ZBTB20: variants seen among roughly 807,000 people sequenced by gnomAD.
ZBTB20 encodes the protein zinc finger and BTB domain containing 20.
Under a neutral mutation model 56.9 loss-of-function variants are expected in ZBTB20, and 9 were observed. That is an observed-to-expected ratio of 0.16 (90% confidence interval 0.10 to 0.28). The LOEUF is 0.28. Among genes scored for constraint, ZBTB20 ranks in the 10% least tolerant of loss-of-function variants. The probability of loss-of-function intolerance (pLI) is 1.00; values close to 1 mark genes in which losing one functional copy is unlikely to be tolerated. For missense variants in ZBTB20, 655 were observed against 1,003.0 expected, an observed-to-expected ratio of 0.65 and a Z score of 4.69; for synonymous variants, 417 against 420.7, an observed-to-expected ratio of 0.99 and a Z score of 0.11.
Position 114,542,302 on chromosome 3 carries a change from T to C in ZBTB20, c.-294-41911A>G, listed in dbSNP as rs552955053. ...TAAATAGAAAATGTGCTTGAGAAAT[T>C]CTAGCCCAACATGCAATTTAGAGAG... is the stretch of plus-strand genomic sequence containing the variant. On this transcript the variant is annotated intron_variant, in intron 6 of 11. Coordinates refer to ENST00000675478, the MANE Select transcript of ZBTB20 (RefSeq NM_001348800.3). Among the ~76,000 whole-genome samples, 77 of 152,280 alleles carry C rather than the reference T, an allele frequency of 5.1e-4. 1 individual carries two copies. Among genetic ancestry groups the C allele is most frequent in the Non-Finnish European group, 7.2e-4 (49 of 68,014 alleles).
chr3:114,528,811 C>T (rs145889772), intron 6 of ZBTB20: 5 of 152,198 alleles, frequency 3.3e-5, no homozygotes, highest in South Asian at 2.1e-4. Context: ...TAAATTGCTA[C>T]GTATTGCAGA....
intron 1 of ZBTB20, among the ~76,000 whole-genome samples, chr3:115,132,383 A>G (rs2084532094): frequency 6.6e-6 from 1 of 152,014 alleles, no homozygotes; most frequent in African/African-American, 2.4e-5. Flanking sequence ...TTATCCAACT[A>G]CCTTATCAAT....
intron 5 of ZBTB20, among the ~76,000 whole-genome samples, chr3:114,753,753 A>C (rs1401342416): frequency 6.6e-6 from 1 of 152,000 alleles, no homozygotes; most frequent in Non-Finnish European, 1.5e-5. Context: ...TTTTATATTA[A>C]GTAATTTTGT....
chr3:114,578,386 T>C (rs1474093985), intron 6 of ZBTB20, among the ~76,000 whole-genome samples: 1 of 151,914 alleles, frequency 6.6e-6, no homozygotes, highest in East Asian at 1.9e-4. Flanking sequence ...AAAATGGAAG[T>C]AATGACAAAG....
At chr3:114,685,809 A>G (rs1420290435) in intron 6 of ZBTB20, among the ~76,000 whole-genome samples, 2 of 152,210 alleles carry the variant, frequency 1.3e-5, no homozygotes, top group African/African-American at 2.4e-5. Flanking sequence ...TTGACAAAAG[A>G]GAATAGTAAT....
chr3:114,395,287 A>C (rs1296239635), intron 7 of ZBTB20, among the ~76,000 whole-genome samples: 4 of 152,164 alleles, frequency 2.6e-5, no homozygotes, highest in Non-Finnish European at 5.9e-5. Flanking sequence ...AATGTTAGAA[A>C]AAAAAGAGTT....
intron 2 of ZBTB20, among the ~76,000 whole-genome samples, chr3:114,988,091 CTTT>C (rs543706041): frequency 5.9e-5 from 7 of 118,826 alleles, no homozygotes; most frequent in African/African-American, 1.2e-4. Context: ...TATCCAGTTT[CTTT>C]TTTTTTTTTT....
At chr3:114,899,973 CA>C (rs2075041982) in intron 4 of ZBTB20, among the ~76,000 whole-genome samples, 1 of 152,024 alleles carries the variant, frequency 6.6e-6, no homozygotes, top group Non-Finnish European at 1.5e-5. Context: ...ACAATAATGG[CA>C]AAACTGTGGT....
At chr3:114,533,638 C>A (rs1050924200) in intron 6 of ZBTB20, among the ~76,000 whole-genome samples, 1 of 152,084 alleles carries the variant, frequency 6.6e-6, no homozygotes, top group Non-Finnish European at 1.5e-5. Context: ...ATACAGAGAA[C>A]ACCACAAAGA....
intron 5 of ZBTB20, among the ~76,000 whole-genome samples, chr3:114,724,638 G>T (rs1232025829): frequency 6.6e-6 from 1 of 152,030 alleles, no homozygotes. Context: ...GAGCTATTTA[G>T]GTTTTATATT....
chr3:114,714,092 C>A (rs559420992), intron 5 of ZBTB20: 1 of 152,634 alleles, frequency 6.6e-6, no homozygotes, highest in Non-Finnish European at 1.5e-5. Flanking sequence ...TATACTACTA[C>A]TATATCCGTC....
At chr3:114,778,792 T>A (rs2069835013) in intron 5 of ZBTB20, among the ~76,000 whole-genome samples, 1 of 151,988 alleles carries the variant, frequency 6.6e-6, no homozygotes, top group Admixed American at 6.6e-5. Context: ...ATGGACAGAG[T>A]CATTTATTTT....
chr3:114,554,582 C>T (rs984224561), intron 6 of ZBTB20, among the ~76,000 whole-genome samples: 1 of 152,130 alleles, frequency 6.6e-6, no homozygotes, highest in African/African-American at 2.4e-5. Flanking sequence ...ATAAATTATT[C>T]TCATAAAAGG....
At chr3:114,978,250 CAT>C (rs951754225) in intron 2 of ZBTB20, among the ~76,000 whole-genome samples, 54 of 148,286 alleles carry the variant, frequency 3.6e-4, no homozygotes, top group African/African-American at 1.2e-3. Context: ...TATATTTAAA[CAT>C]ATATAAAATA....
At chr3:114,728,927 G>C (rs998970470) in intron 5 of ZBTB20, among the ~76,000 whole-genome samples, 1 of 152,074 alleles carries the variant, frequency 6.6e-6, no homozygotes, top group African/African-American at 2.4e-5. Context: ...AGGGCAGTGT[G>C]GGGGCAGAGA....
intron 6 of ZBTB20, among the ~76,000 whole-genome samples, chr3:114,607,097 CAAAT>C (rs1189196980): frequency 1.4e-5 from 2 of 145,866 alleles, no homozygotes; most frequent in Non-Finnish European, 3.0e-5. Context: ...GACTCAATCT[CAAAT>C]AAATAAATAA....
chr3:114,463,050 A>G (rs2092399639), intron 7 of ZBTB20, among the ~76,000 whole-genome samples: 1 of 152,202 alleles, frequency 6.6e-6, no homozygotes, highest in Non-Finnish European at 1.5e-5. Flanking sequence ...GTGCATCAGG[A>G]GATGCAGCTG....
At position 115,101,743 on chromosome 3, in the gene ZBTB20, G is replaced by A. The variant is rs186456279; in HGVS notation, c.-702-30329C>T. ...TGCATTTGACTTATTCAAACCCTGC[G>A]TTTGGGCAACAATAATCCTAAGTAT... On this transcript the variant is annotated intron_variant, in intron 1 of 11. Transcript: ENST00000675478. 3.7e-3 allele frequency among the ~76,000 whole-genome samples: 558 copies of A among 152,108 alleles called. 3 individuals carry two copies. Among genetic ancestry groups the A allele is most frequent in the African/African-American group, 0.013 (526 of 41,498 alleles).
At chr3:114,348,953 A>G (rs2080414145) in intron 11 of ZBTB20, among the ~76,000 whole-genome samples, 1 of 152,166 alleles carries the variant, frequency 6.6e-6, no homozygotes, top group Non-Finnish European at 1.5e-5. Context: ...TAATCTCATA[A>G]CTTTGGGAGG....
Sources: allele counts gnomAD v4.1 joint callset (sites outside exome capture counted in the v4.1 genomes callset), GRCh38; gene constraint gnomAD v4.1.1; transcripts MANE v1.5; gene names NCBI Gene and HGNC (gene_info 2026-07-23, HGNC 2026-07-21).